The following DLC1 variants were observed in gnomAD, a reference collection of about 807,000 sequenced individuals.
The protein encoded by DLC1 is DLC1 Rho GTPase activating protein.
In DLC1, 54 loss-of-function variants were observed where a neutral mutation model predicts 140.3. That is an observed-to-expected ratio of 0.38 (90% CI 0.31 to 0.48). The LOEUF is 0.48. Ranked by LOEUF, DLC1 falls within the 20% of genes least tolerant of loss-of-function variation. The pLI is 0.96. For synonymous variants in DLC1, 986 were observed against 728.1 expected (o/e 1.35, Z -5.70); for missense variants, 2,536 against 1,907.0 (o/e 1.33, Z -6.14).
chr8:13,276,236 G>A (rs780993275), intron 5 of DLC1: 1 of 1,533,462 alleles, frequency 6.5e-7, no homozygotes, highest in African/African-American at 1.4e-5. Context: ...CTCACCCCCG[G>A]TCTCCAATCC....
At chr8:13,403,807 G>GTTTTT (rs369715973) in intron 2 of DLC1, among the ~76,000 whole-genome samples, 8 of 87,270 alleles carry the variant, frequency 9.2e-5, no homozygotes, top group South Asian at 5.0e-4. Flanking sequence ...AGGTCTGGCT[G>GTTTTT]TTTTTTTTTT....
At chr8:13,392,548 T>C (rs1322461171) in intron 4 of DLC1, among the ~76,000 whole-genome samples, 1 of 152,194 alleles carries the variant, frequency 6.6e-6, no homozygotes, top group Admixed American at 6.5e-5. Context: ...TTAAATGCAG[T>C]GAACAAGCAA....
intron 5 of DLC1, among the ~76,000 whole-genome samples, chr8:13,215,323 C>T (rs536512323): frequency 3.3e-5 from 5 of 152,330 alleles, no homozygotes; most frequent in East Asian, 1.9e-4. Flanking sequence ...CAGTGGCTCA[C>T]GCCTGTAATC....
intron 2 of DLC1, among the ~76,000 whole-genome samples, chr8:13,468,254 G>A (rs146909414): frequency 2.1e-4 from 32 of 151,548 alleles, no homozygotes; most frequent in African/African-American, 6.3e-4. Context: ...CATTTACATC[G>A]TATTCTCTTA....
intron 3 of DLC1, among the ~76,000 whole-genome samples, chr8:13,394,290 T>C (rs561328149): frequency 1.0e-3 from 152 of 152,336 alleles, no homozygotes; most frequent in Middle Eastern, 3.4e-3. Flanking sequence ...AAAATGGGTA[T>C]AATGATAGTA....
chr8:13,176,591 A>T (rs1472817574), intron 5 of DLC1, among the ~76,000 whole-genome samples: 1 of 151,962 alleles, frequency 6.6e-6, no homozygotes, highest in Non-Finnish European at 1.5e-5. Context: ...ACAAACAAAC[A>T]CACAAAACCC....
At chr8:13,273,729 T>TGTGTGTGTGTGTGTGTGTG (rs1831045884) in intron 5 of DLC1, among the ~76,000 whole-genome samples, 2 of 55,634 alleles carry the variant, frequency 3.6e-5, no homozygotes, top group African/African-American at 1.3e-4. Context: ...TGTGTGTGTG[T>TGTGTGTGTGTGTGTGTGTG]AAGGGGGAAG....
intron 2 of DLC1, among the ~76,000 whole-genome samples, chr8:13,436,315 T>A (rs540906209): frequency 6.6e-6 from 1 of 152,354 alleles, no homozygotes; most frequent in South Asian, 2.1e-4. Context: ...TACACCTTGG[T>A]TTTCCTTTAT....
At chr8:13,413,501 T>A (rs76181487) in intron 2 of DLC1, among the ~76,000 whole-genome samples, 3 of 36,822 alleles carry the variant, frequency 8.1e-5, no homozygotes, top group Non-Finnish European at 2.5e-4. Context: ...TGTGCACACA[T>A]ATATATATAT....
At chr8:13,130,236 T>C (rs1047772852) in intron 5 of DLC1, among the ~76,000 whole-genome samples, 1 of 152,214 alleles carries the variant, frequency 6.6e-6, no homozygotes, top group South Asian at 2.1e-4. Context: ...TGAAACCACC[T>C]CTTGGAATCT....
intron 5 of DLC1, among the ~76,000 whole-genome samples, chr8:13,149,452 C>T (rs1823655458): frequency 6.6e-6 from 1 of 152,162 alleles, no homozygotes; most frequent in Admixed American, 6.6e-5. Flanking sequence ...TTTTGTTGCT[C>T]CCTAGCCCTG....
intron 5 of DLC1, among the ~76,000 whole-genome samples, chr8:13,188,843 ATTTTTTTTTT>A (rs869162448): frequency 2.3e-4 from 7 of 30,674 alleles, no homozygotes; most frequent in Admixed American, 1.1e-3. Context: ...ATATATATAT[ATTTTTTTTTT>A]TTTTTTTTTT....
chr8:13,391,350 TCA>T (rs1201589814), intron 4 of DLC1, among the ~76,000 whole-genome samples: 1 of 152,206 alleles, frequency 6.6e-6, no homozygotes, highest in Non-Finnish European at 1.5e-5. Flanking sequence ...AGATGACAAG[TCA>T]CACCTGAACA....
chr8:13,506,581 G>GTGTGTGTGTA (rs1246764417), intron 1 of DLC1, among the ~76,000 whole-genome samples: 67 of 131,138 alleles, frequency 5.1e-4, no homozygotes, highest in African/African-American at 1.8e-3. Flanking sequence ...GTGTGTGTGT[G>GTGTGTGTGTA]TATATATATA....
chr8:13,425,777 A>G (rs954305530), intron 2 of DLC1, among the ~76,000 whole-genome samples: 2 of 152,210 alleles, frequency 1.3e-5, no homozygotes, highest in Non-Finnish European at 2.9e-5. Flanking sequence ...TTTAAAATGT[A>G]AAATTTTTAT....
At chr8:13,530,622 C>A (rs914587732) in intron 1 of DLC1, among the ~76,000 whole-genome samples, 1 of 152,112 alleles carries the variant, frequency 6.6e-6, no homozygotes, top group African/African-American at 2.4e-5. Context: ...CTGGGTGTAA[C>A]CTAACAGAAC....
intron 1 of DLC1, among the ~76,000 whole-genome samples, chr8:13,586,131 A>G (rs748343140): frequency 1.3e-5 from 2 of 152,108 alleles, no homozygotes; most frequent in African/African-American, 2.4e-5. Context: ...TTGTCCTAGG[A>G]TAGAGATCTT....
intron 1 of DLC1, among the ~76,000 whole-genome samples, chr8:13,548,261 A>G (rs1563433629): frequency 6.6e-6 from 1 of 152,030 alleles, no homozygotes. Context: ...GGTTAGCTGA[A>G]TGTTACATGT....
At chr8:13,205,784 G>A (rs1827632064) in intron 5 of DLC1, among the ~76,000 whole-genome samples, 1 of 152,142 alleles carries the variant, frequency 6.6e-6, no homozygotes, top group Non-Finnish European at 1.5e-5. Flanking sequence ...ACATAAGAGA[G>A]TTTAAAGACA....
Sources: gnomAD v4.1 joint callset for allele counts (sites outside exome capture counted in the v4.1 genomes callset) on GRCh38, gnomAD v4.1.1 for gene constraint, MANE v1.5 for transcripts, NCBI Gene and HGNC (gene_info 2026-07-23, HGNC 2026-07-21) for gene names.